TENM3: variants seen among roughly 807,000 people sequenced by gnomAD.
The protein encoded by TENM3 is teneurin transmembrane protein 3.
A neutral mutation model predicts 255.1 loss-of-function variants in TENM3; 63 were observed. The ratio of observed to expected loss-of-function variants is 0.25; its 90% CI spans 0.20 to 0.30. The LOEUF (loss-of-function observed/expected upper bound fraction) is 0.30. Among genes scored for constraint, TENM3 ranks in the 10% least tolerant of loss-of-function variants. The pLI, the probability that TENM3 is intolerant of heterozygous loss-of-function variation, is 1.00. For missense variants in TENM3, 2,929 were observed against 3,461.1 expected (o/e 0.85, Z 3.86); for synonymous variants, 1,306 against 1,322.3 (o/e 0.99, Z 0.27).
chr4:181,562,235 T>A, the TENM3 span, among the ~76,000 whole-genome samples: 1 of 152,268 alleles, frequency 6.6e-6, no homozygotes, highest in South Asian at 2.1e-4. Context: ...TTTTTTTACG[T>A]TGTCTTCATG....
the TENM3 span, among the ~76,000 whole-genome samples, chr4:182,057,647 T>A: frequency 7.2e-5 from 11 of 152,002 alleles, no homozygotes; most frequent in African/African-American, 2.7e-4. Context: ...GTGATCCCCC[T>A]GCCTTCGCCT....
chr4:181,525,396 C>CAAAAAAAAAAAAAAAAAAAAAA, the TENM3 span, among the ~76,000 whole-genome samples: 431 of 97,254 alleles, frequency 4.4e-3, 5 homozygotes, highest in East Asian at 0.019. Context: ...GACCCTGTTT[C>CAAAAAAAAAAAAAAAAAAAAAA]AAAAAAAAAA....
intron 3 of TENM3, 81 bp downstream of exon 3, chr4:182,347,010 T>G: frequency 3.8e-6 from 4 of 1,045,328 alleles, no homozygotes; most frequent in Non-Finnish European, 5.4e-6. Context: ...GGGGATGTTT[T>G]TCTTTCTCTC....
intron 24 of TENM3, among the ~76,000 whole-genome samples, chr4:182,777,369 A>AT (rs1308590326): frequency 5.3e-5 from 8 of 152,002 alleles, no homozygotes; most frequent in Admixed American, 2.6e-4. Context: ...TCTCTGTGCC[A>AT]TTGCACCTAG....
At chr4:181,580,941 C>G in the TENM3 span, among the ~76,000 whole-genome samples, 1 of 152,276 alleles carries the variant, frequency 6.6e-6, no homozygotes, top group South Asian at 2.1e-4. Flanking sequence ...TGGTTGCACA[C>G]AACACAGAAA....
chr4:182,517,295 T>A (rs1006413110), intron 3 of TENM3, among the ~76,000 whole-genome samples: 1 of 152,086 alleles, frequency 6.6e-6, no homozygotes, highest in African/African-American at 2.4e-5. Flanking sequence ...GTCTCAGAGC[T>A]TCACGGTAGC....
the TENM3 span, among the ~76,000 whole-genome samples, chr4:181,792,458 C>T: frequency 2.0e-5 from 3 of 152,120 alleles, no homozygotes; most frequent in Non-Finnish European, 2.9e-5. Context: ...AAGATAAAAA[C>T]GTAAATAAGT....
the TENM3 span, among the ~76,000 whole-genome samples, chr4:182,050,423 T>C: frequency 6.6e-6 from 1 of 152,156 alleles, no homozygotes; most frequent in Non-Finnish European, 1.5e-5. Flanking sequence ...ACACATCAAA[T>C]ACAGTGATTC....
chr4:181,491,374 A>G, the TENM3 span, among the ~76,000 whole-genome samples: 2 of 152,050 alleles, frequency 1.3e-5, no homozygotes, highest in African/African-American at 4.8e-5. Context: ...GAGAAAGTAA[A>G]TGTGTATGTT....
At chr4:182,683,788 G>A (rs112590690) in intron 11 of TENM3, among the ~76,000 whole-genome samples, 7 of 152,126 alleles carry the variant, frequency 4.6e-5, no homozygotes, top group African/African-American at 7.2e-5. Context: ...CTTTGATGGC[G>A]AAGAGACAAG....
chr4:181,894,253 C>G, the TENM3 span, among the ~76,000 whole-genome samples: 5 of 152,188 alleles, frequency 3.3e-5, no homozygotes, highest in East Asian at 9.7e-4. Flanking sequence ...TCATCATTAG[C>G]AGTAATGATG....
At chr4:182,309,943 T>C (rs556616429) in intron 1 of TENM3, among the ~76,000 whole-genome samples, 4 of 152,318 alleles carry the variant, frequency 2.6e-5, no homozygotes, top group African/African-American at 9.6e-5. Context: ...CTTTATCTCA[T>C]TTAATCTTCA....
At chr4:181,499,870 C>T in the TENM3 span, among the ~76,000 whole-genome samples, 483 of 152,134 alleles carry the variant, frequency 3.2e-3, 2 homozygotes, top group Non-Finnish European at 5.6e-3. Context: ...TCTTTCAGGC[C>T]GAAGAAAGGT....
At chr4:181,577,330 C>T in the TENM3 span, among the ~76,000 whole-genome samples, 2 of 150,502 alleles carry the variant, frequency 1.3e-5, no homozygotes, top group South Asian at 2.1e-4. Flanking sequence ...CGTGAGCCAC[C>T]GCACCCGGCC....
the TENM3 span, among the ~76,000 whole-genome samples, chr4:181,971,821 G>C: frequency 2.0e-5 from 3 of 151,720 alleles, no homozygotes; most frequent in Non-Finnish European, 4.4e-5. Context: ...CTCCTGCCTC[G>C]GCATCCCAAA....
At chr4:181,515,391 C>T in the TENM3 span, among the ~76,000 whole-genome samples, 1 of 152,162 alleles carries the variant, frequency 6.6e-6, no homozygotes, top group South Asian at 2.1e-4. Flanking sequence ...GCAAAATGTT[C>T]CTAAGGCTGT....
the TENM3 span, among the ~76,000 whole-genome samples, chr4:181,873,637 T>C: frequency 6.6e-6 from 1 of 152,222 alleles, no homozygotes; most frequent in South Asian, 2.1e-4. Context: ...TTTGGAGATT[T>C]ATTTAGACAT....
At chr4:181,940,909 T>C in the TENM3 span, among the ~76,000 whole-genome samples, 1 of 152,230 alleles carries the variant, frequency 6.6e-6, no homozygotes, top group Non-Finnish European at 1.5e-5. Context: ...AGTGTTTGTG[T>C]TGGCAAGTGG....
At chr4:181,523,010 A>G in the TENM3 span, 1 of 638,860 alleles carries the variant, frequency 1.6e-6, no homozygotes, top group Non-Finnish European at 3.0e-6. Flanking sequence ...CATCAGTCCT[A>G]TAATTTGAAG....
Sources: gnomAD v4.1 joint callset for allele counts (sites outside exome capture counted in the v4.1 genomes callset) on GRCh38, gnomAD v4.1.1 for gene constraint, MANE v1.5 for transcripts, NCBI Gene and HGNC (gene_info 2026-07-23, HGNC 2026-07-21) for gene names.